The following ZC3HAV1 variants were observed in gnomAD, a reference collection of about 807,000 sequenced individuals.
The protein encoded by ZC3HAV1 is zinc finger CCCH-type containing, antiviral 1.
Under a neutral mutation model 86.6 loss-of-function variants are expected in ZC3HAV1, and 41 were observed. The ratio of observed to expected loss-of-function variants is 0.47; its 90% CI spans 0.37 to 0.61. The LOEUF (loss-of-function observed/expected upper bound fraction) is 0.61, where lower values mean the gene tolerates loss of function less well. Ranked by LOEUF, ZC3HAV1 falls within the 20% of genes least tolerant of loss-of-function variation. The pLI is 0.00. For synonymous variants in ZC3HAV1, 421 were observed against 432.1 expected, an observed-to-expected ratio of 0.97 and a Z score of 0.32; for missense variants, 964 against 1,141.1, an observed-to-expected ratio of 0.84 and a Z score of 2.24.
At chr7:139,100,595 T>C (rs1373679780) in intron 1 of ZC3HAV1, among the ~76,000 whole-genome samples, 1 of 152,128 alleles carries the variant, frequency 6.6e-6, no homozygotes, top group Non-Finnish European at 1.5e-5. Flanking sequence ...CAATTTCACA[T>C]TCCTTGTATT....
In ZC3HAV1 at chr7:139,050,838, T is replaced by C. The variant is rs111347280; in HGVS notation, c.2449+2613A>G. Among the ~76,000 whole-genome samples the C allele has an allele frequency of 1.7e-3, 257 of 152,338 alleles. 2 individuals are homozygous for C. The highest frequency in any genetic ancestry group is 5.8e-3 in the African/African-American group (240 of 41,572). On this transcript the variant is annotated intron_variant, in intron 12 of 12. Transcript: ENST00000242351. ...TAAGTTTCACTGATACATTTAAACT[T>C]AATAAACTTATGAAATCTCATCAAT... is the stretch of plus-strand genomic sequence containing the variant.
rs1167828037 is a variant in ZC3HAV1 at position 139,043,961 on chromosome 7, T to C, written c.*3633A>G. ...CAGTGGGTTATTGGTGGTTTCATAA[T>C]AACTGGGGACTACTCCCAGCACTGA... On this transcript the variant is annotated 3_prime_UTR_variant, in exon 13 of 13. Coordinates refer to ENST00000242351, the MANE Select transcript of ZC3HAV1 (RefSeq NM_020119.4). 6.6e-6 allele frequency: 1 copy of C among 152,208 alleles called. No homozygotes were observed. The highest frequency in any genetic ancestry group is 1.5e-5 in the Non-Finnish European group (1 of 68,036). The allele number at this position is 152,208 out of a possible 1,614,324, so 9.4% of individuals were successfully genotyped here.
chr7:139,081,976 A>G, intron 3 of ZC3HAV1, among the ~76,000 whole-genome samples: 1 of 152,256 alleles, frequency 6.6e-6, no homozygotes, highest in Non-Finnish European at 1.5e-5. Flanking sequence ...CAGAAATAGC[A>G]GCACTTGGCT....
At chr7:139,101,429 G>C (rs1460625118) in intron 1 of ZC3HAV1, among the ~76,000 whole-genome samples, 1 of 124,724 alleles carries the variant, frequency 8.0e-6, no homozygotes, top group African/African-American at 3.1e-5. Context: ...CATCGTCTGA[G>C]ATGCGGGGAG....
intron 12 of ZC3HAV1, 41 bp downstream of exon 12, chr7:139,053,410 T>C: frequency 2.0e-6 from 3 of 1,518,190 alleles, no homozygotes; most frequent in Non-Finnish European, 2.6e-6. Flanking sequence ...AAAGCCCGAG[T>C]TATGACTCTA....
intron 1 of ZC3HAV1, among the ~76,000 whole-genome samples, chr7:139,090,087 T>C (rs948602057): frequency 6.6e-6 from 1 of 151,800 alleles, no homozygotes; most frequent in Non-Finnish European, 1.5e-5. Context: ...ACCCGGCTAA[T>C]TTTTTGTATT....
Position 139,102,001 on chromosome 7 carries a change from C to G in ZC3HAV1, c.308+7023G>C, listed in dbSNP as rs1198641823. Among the ~76,000 whole-genome samples the G allele has an allele frequency of 6.1e-5, 7 of 115,238 alleles. No homozygotes were observed. The South Asian group carries it at 1.7e-3, about 27-fold the overall frequency. The allele number at this position is 115,238 out of a possible 152,430, so 75.6% of individuals were successfully genotyped here. A position where few individuals can be genotyped will look rare whatever the true frequency, so the allele number is the denominator to read the frequency against. ...TCTGTGAGAAACACCCAAGAATGAT[C>G]AATAAAAAAAAAAAAAAATCAAAAT... On this transcript the variant is annotated intron_variant, in intron 1 of 12. Transcript: ENST00000242351.
Position 139,065,119 on chromosome 7 carries a change from A to G in ZC3HAV1, c.1873-120T>C, listed in dbSNP as rs1207229655. ...GAGTGCATTTTGCTTCCCAAACCAG[A>G]TTGTAAAAGCTTCCAGCTCAGGGCT... On this transcript the variant is annotated intron_variant, in intron 7 of 12. Transcript: ENST00000242351. 8 of 1,336,758 alleles carry G rather than the reference A, an allele frequency of 6.0e-6. No homozygotes were observed. The East Asian group carries it at 1.9e-4, about 32-fold the overall frequency. 82.8% of individuals were successfully genotyped at this position (1,336,758 alleles called of 1,614,324 possible).
chr7:139,063,991 C>G (rs1816525650), intron 8 of ZC3HAV1, among the ~76,000 whole-genome samples: 2 of 152,160 alleles, frequency 1.3e-5, no homozygotes, highest in African/African-American at 4.8e-5. Context: ...GCTTTTCTCC[C>G]CCCTTCTTCT....
intron 5 of ZC3HAV1, 136 bp from the exon 6 acceptor site, chr7:139,076,545 CT>C: frequency 8.8e-7 from 1 of 1,142,500 alleles, no homozygotes; most frequent in Non-Finnish European, 1.2e-6. Context: ...CCAGCTGACA[CT>C]GCTGTGTGTC....
intron 8 of ZC3HAV1, among the ~76,000 whole-genome samples, chr7:139,062,768 G>T (rs373394696): frequency 6.6e-6 from 1 of 152,146 alleles, no homozygotes; most frequent in African/African-American, 2.4e-5. Flanking sequence ...AGTGGCTCAC[G>T]CCTGTAATCC....
rs78302507 is a variant in ZC3HAV1 at position 139,072,081 on chromosome 7, G to A, written c.1872+1775C>T. 4.7e-3 allele frequency among the ~76,000 whole-genome samples: 716 copies of A among 152,254 alleles called. 6 individuals are homozygous for A. The highest frequency in any genetic ancestry group is 0.017 in the African/African-American group (686 of 41,534). On this transcript the variant is annotated intron_variant, in intron 7 of 12. Transcript: ENST00000242351. ...CCACTGACTCGTAATTATTAGTTCC[G>A]TGCAAAAGTAATCAGTTTTTGCCAT... is the stretch of plus-strand genomic sequence containing the variant.
At chr7:139,066,390 CTT>C (rs1233470923) in intron 7 of ZC3HAV1, among the ~76,000 whole-genome samples, 1 of 152,148 alleles carries the variant, frequency 6.6e-6, no homozygotes, top group African/African-American at 2.4e-5. Context: ...AGCTGGGTCT[CTT>C]TATCCTGGAG....
At chr7:139,087,609 C>T (rs1375090511) in intron 2 of ZC3HAV1, among the ~76,000 whole-genome samples, 2 of 152,120 alleles carry the variant, frequency 1.3e-5, no homozygotes, top group Non-Finnish European at 2.9e-5. Flanking sequence ...CTCCTGAGCT[C>T]AGTGGCCAAC....
chr7:139,102,436 TTAA>T (rs1367795069), intron 1 of ZC3HAV1, among the ~76,000 whole-genome samples: 1 of 152,152 alleles, frequency 6.6e-6, no homozygotes, highest in Non-Finnish European at 1.5e-5. Flanking sequence ...AGTCTCAATT[TTAA>T]TAATAAGAAG....
intron 6 of ZC3HAV1, 128 bp downstream of exon 6, chr7:139,076,158 G>C: frequency 7.0e-7 from 1 of 1,427,960 alleles, no homozygotes; most frequent in Non-Finnish European, 9.5e-7. Context: ...TTTATCTCAA[G>C]AGGTATTTCA....
At chr7:139,101,005 A>T (rs1051230364) in intron 1 of ZC3HAV1, among the ~76,000 whole-genome samples, 1 of 152,090 alleles carries the variant, frequency 6.6e-6, no homozygotes, top group Non-Finnish European at 1.5e-5. Context: ...GCCACGCCTG[A>T]CTGGTTTTCG....
In ZC3HAV1 at chr7:139,076,290, G is replaced by A; in HGVS notation, c.1693C>T (p.His565Tyr). 6.2e-7 allele frequency: 1 copy of A among 1,614,174 alleles called. No homozygotes were observed. The highest frequency in any genetic ancestry group is 1.1e-5 in the South Asian group (1 of 91,080). ...AGAGTACAGCCACCAACTTACAGGT[G>A]GATTCCGGGGTTACAGTAGCCTTTC... ...IEKGYCNPGI[H>Y]LCSVGSYTIN... The change falls in exon 6 of 13, where the codon CAC becomes TAC. Residue 565 changes from histidine (H) to tyrosine (Y), a missense_variant. His to Tyr is a moderately conservative substitution (Grantham distance 83). Coordinates refer to ENST00000242351, the MANE Select transcript of ZC3HAV1 (RefSeq NM_020119.4).
At chr7:139,097,428 A>ATTTTTTT (rs11291842) in intron 1 of ZC3HAV1, among the ~76,000 whole-genome samples, 25 of 48,154 alleles carry the variant, frequency 5.2e-4, no homozygotes, top group African/African-American at 2.3e-3. Context: ...ATATATATAT[A>ATTTTTTT]TTTTTTTTTT....
Sources: gnomAD v4.1 joint callset for allele counts (sites outside exome capture counted in the v4.1 genomes callset) on GRCh38, gnomAD v4.1.1 for gene constraint, MANE v1.5 for transcripts, NCBI Gene and HGNC (gene_info 2026-07-23, HGNC 2026-07-21) for gene names.